The following CADM2 variants were observed in gnomAD, a reference collection of about 807,000 sequenced individuals.
The protein encoded by CADM2 is immunoglobulin superfamily member 4D.
CADM2 carries 12 observed loss-of-function variants against 49.8 expected under a neutral mutation model. That is an observed-to-expected ratio of 0.24 (90% confidence interval 0.15 to 0.39). CADM2 has a LOEUF of 0.39. Among genes scored for constraint, CADM2 ranks in the 10% least tolerant of loss-of-function variants. The pLI is 1.00. For missense variants in CADM2, 378 were observed against 492.3 expected (o/e 0.77, Z 2.20); for synonymous variants, 214 against 175.4 (o/e 1.22, Z -1.74).
intron 7 of CADM2, among the ~76,000 whole-genome samples, chr3:85,959,507 G>T (rs1207768605): frequency 6.6e-6 from 1 of 151,800 alleles, no homozygotes; most frequent in African/African-American, 2.4e-5. Flanking sequence ...CTTCTGATTA[G>T]AACATCTCAT....
chr3:85,653,175 G>T (rs375222476), intron 1 of CADM2, among the ~76,000 whole-genome samples: 1 of 151,116 alleles, frequency 6.6e-6, no homozygotes, highest in Non-Finnish European at 1.5e-5. Flanking sequence ...GTTGTTTGGG[G>T]AATCACACTT....
At chr3:85,695,855 A>G (rs9883793) in intron 1 of CADM2, among the ~76,000 whole-genome samples, 2,584 of 152,236 alleles carry the variant, frequency 0.017, 60 homozygotes, top group African/African-American at 0.057. Flanking sequence ...TAGAGGCTGT[A>G]CTAATTTACA....
intron 6 of CADM2, among the ~76,000 whole-genome samples, chr3:85,934,924 A>C (rs1215563006): frequency 6.6e-6 from 1 of 152,056 alleles, no homozygotes; most frequent in East Asian, 1.9e-4. Context: ...TTTCACATTG[A>C]CTGTGGGCCA....
intron 2 of CADM2, among the ~76,000 whole-genome samples, chr3:85,758,277 T>C (rs2069211870): frequency 6.6e-6 from 1 of 152,086 alleles, no homozygotes; most frequent in Admixed American, 6.6e-5. Flanking sequence ...TAATTTAGCA[T>C]TGGACATCTA....
At chr3:85,866,263 TTTGTGCATGCTGAAATGCTATTAGC>T (rs1274372854) in intron 3 of CADM2, among the ~76,000 whole-genome samples, 1 of 152,186 alleles carries the variant, frequency 6.6e-6, no homozygotes, top group Admixed American at 6.5e-5. Flanking sequence ...TCAGCATATA[TTTGTGCATGCTGAAATGCTATTAGC>T]TTTTCTGGAC....
rs184630393 is a variant in CADM2, at chr3:85,769,865, G to A, written c.89-32182G>A. ...TCAAGATATCAATGAGAAAAAAAGG[G>A]AAAACAAAGCAGCAACTAAGTTCAT... On this transcript the variant is annotated intron_variant, in intron 2 of 9. Transcript: ENST00000383699. 2.5e-3 allele frequency among the ~76,000 whole-genome samples: 380 copies of A among 151,550 alleles called. 1 individual carries two copies. The highest frequency in any genetic ancestry group is 8.8e-3 in the African/African-American group (366 of 41,364).
intron 1 of CADM2, among the ~76,000 whole-genome samples, chr3:85,373,226 T>A (rs2033378436): frequency 6.6e-6 from 1 of 152,082 alleles, no homozygotes. Flanking sequence ...CATTGGTAAA[T>A]ACACCCATTC....
intron 1 of CADM2, among the ~76,000 whole-genome samples, chr3:85,601,130 GTATATATATATATATATATATATA>G (rs375011644): frequency 2.0e-4 from 22 of 109,632 alleles, no homozygotes; most frequent in Admixed American, 5.8e-4. Context: ...ATATATGTGT[GTATATATATATATATATATATATA>G]TATATATATA....
chr3:85,277,427 A>G (rs934531108), intron 1 of CADM2, among the ~76,000 whole-genome samples: 1 of 151,290 alleles, frequency 6.6e-6, no homozygotes, highest in African/African-American at 2.4e-5. Flanking sequence ...CATTTATTGA[A>G]TGGCTGAGTC....
chr3:86,065,122 C>G (rs1436200698), intron 8 of CADM2, among the ~76,000 whole-genome samples: 1 of 152,134 alleles, frequency 6.6e-6, no homozygotes, highest in East Asian at 1.9e-4. Context: ...CTCTTATTTT[C>G]TCCATCTAGA....
At chr3:85,096,689 G>A (rs1004473405) in intron 1 of CADM2, among the ~76,000 whole-genome samples, 2 of 151,784 alleles carry the variant, frequency 1.3e-5, no homozygotes, top group Non-Finnish European at 2.9e-5. Context: ...TAGAGGTGAA[G>A]AATTCCCAGA....
intron 2 of CADM2, among the ~76,000 whole-genome samples, chr3:85,734,049 A>C: frequency 6.6e-6 from 1 of 152,158 alleles, no homozygotes; most frequent in East Asian, 1.9e-4. Flanking sequence ...ACAACACCAA[A>C]ATTTAAGTTA....
At chr3:85,998,346 C>G (rs1371778043) in intron 8 of CADM2, among the ~76,000 whole-genome samples, 1 of 151,872 alleles carries the variant, frequency 6.6e-6, no homozygotes, top group East Asian at 1.9e-4. Flanking sequence ...CAATTTTGTC[C>G]TCTCTGGAAA....
chr3:85,149,306 C>T (rs1467066611), intron 1 of CADM2, among the ~76,000 whole-genome samples: 1 of 152,040 alleles, frequency 6.6e-6, no homozygotes, highest in Non-Finnish European at 1.5e-5. Flanking sequence ...CAGATGCTGG[C>T]CCCTCAAACC....
intron 1 of CADM2, among the ~76,000 whole-genome samples, chr3:85,610,194 T>G (rs1227786064): frequency 4.6e-5 from 7 of 151,968 alleles, no homozygotes; most frequent in Non-Finnish European, 1.0e-4. Context: ...GAAGAGTAAA[T>G]AAAACTTTCT....
At chr3:85,883,663 T>C (rs1369468362) in intron 4 of CADM2, among the ~76,000 whole-genome samples, 1 of 152,252 alleles carries the variant, frequency 6.6e-6, no homozygotes, top group African/African-American at 2.4e-5. Flanking sequence ...ATATGACTTC[T>C]AGAAGGCACA....
intron 1 of CADM2, among the ~76,000 whole-genome samples, chr3:85,408,874 G>C (rs1027735037): frequency 1.3e-5 from 2 of 151,962 alleles, no homozygotes; most frequent in African/African-American, 4.8e-5. Context: ...AAATAAACAA[G>C]GGCAAAATAT....
intron 9 of CADM2, 58 bp from the exon 10 acceptor site, chr3:86,066,607 A>T (rs1739369843): frequency 7.9e-7 from 1 of 1,266,586 alleles, no homozygotes; most frequent in South Asian, 1.2e-5. Context: ...TGTAGCTTTA[A>T]TGCTGGGTAT....
intron 2 of CADM2, among the ~76,000 whole-genome samples, chr3:85,733,550 A>T (rs191518363): frequency 6.6e-6 from 1 of 152,266 alleles, no homozygotes; most frequent in Admixed American, 6.5e-5. Flanking sequence ...CAAGTCTAAA[A>T]TAATATTATT....
Sources: gnomAD v4.1 joint callset for allele counts (sites outside exome capture counted in the v4.1 genomes callset) on GRCh38, gnomAD v4.1.1 for gene constraint, MANE v1.5 for transcripts, NCBI Gene and HGNC (gene_info 2026-07-23, HGNC 2026-07-21) for gene names.